RNPEPL1: variants seen among roughly 807,000 people sequenced by gnomAD.
The protein encoded by RNPEPL1 is aminopeptidase RNPEPL1.
A neutral mutation model predicts 69.0 loss-of-function variants in RNPEPL1; 46 were observed. That is an observed-to-expected ratio of 0.67 (90% CI 0.53 to 0.85). The LOEUF is 0.85. Among genes scored for constraint, RNPEPL1 ranks in the 40% least tolerant of loss-of-function variants. The probability of loss-of-function intolerance (pLI) is 0.00; values close to 1 mark genes in which losing one functional copy is unlikely to be tolerated. For missense variants in RNPEPL1, 869 were observed against 992.5 expected, an observed-to-expected ratio of 0.88 and a Z score of 1.67; for synonymous variants, 525 against 454.1, an observed-to-expected ratio of 1.16 and a Z score of -1.98.
At chr2:240,573,030 GCTGC>G in intron 2 of RNPEPL1, 76 bp from the exon 3 acceptor site, 1 of 1,442,324 alleles carries the variant, frequency 6.9e-7, no homozygotes, top group Non-Finnish European at 9.2e-7. Context: ...CGAATATGGG[GCTGC>G]CTGACAGGCT....
chr2:240,572,321 C>T (rs745825622), intron 1 of RNPEPL1, 102 bp from the exon 2 acceptor site: 4 of 1,345,170 alleles, frequency 3.0e-6, no homozygotes, highest in Non-Finnish European at 3.0e-6. Flanking sequence ...TGGCCATTGT[C>T]CCCTCCCAGA....
chr2:240,575,047 C>G lies in RNPEPL1; in HGVS notation c.1306C>G (p.Leu436Val), dbSNP rs2093033648. The change falls in exon 7 of 11, where the codon CTG becomes GTG. Residue 436 changes from leucine (L) to valine (V), a missense_variant. This residue lies in a region of RNPEPL1 where 610 missense variants were observed against 790.9 expected (regional missense o/e 0.77). Transcript: ENST00000270357. ...KLEPGVNPSH[L>V]MNLFTYEKGY... is the part of the protein sequence containing the mutation. ...CCTTGCAGGAGTGAATCCCAGCCACCTGATGAACCTGTTCACCTACGAGAA... is the reference window on the plus strand; with the variant it reads ...CCTTGCAGGAGTGAATCCCAGCCACGTGATGAACCTGTTCACCTACGAGAA... The G allele has an allele frequency of 6.2e-7, 1 of 1,613,622 alleles. No homozygotes were observed. Among genetic ancestry groups the G allele is most frequent in the African/African-American group, 1.3e-5 (1 of 74,958 alleles).
intron 3 of RNPEPL1, among the ~76,000 whole-genome samples, chr2:240,573,501 C>A (rs1185797822): frequency 6.6e-6 from 1 of 152,228 alleles, no homozygotes; most frequent in Non-Finnish European, 1.5e-5. Context: ...CCTGCCAAGG[C>A]CCCCGCACAG....
rs746764889 is a variant in RNPEPL1 at position 240,573,187 on chromosome 2, C to T, written c.747C>T (p.His249=). The T allele has an allele frequency of 3.1e-5, 49 of 1,600,608 alleles. No individual in the cohort carries two copies. In the Admixed American group the frequency reaches 4.5e-4, roughly 15 times the overall value. The change falls in exon 3 of 11, where the codon CAC becomes CAT. Residue 249 remains histidine (H), a synonymous_variant. Coordinates refer to ENST00000270357, the MANE Select transcript of RNPEPL1 (RefSeq NM_018226.6). The part of the protein sequence containing the change: ...YMEEEGVFHF[H]MEHPVPAYLV... ...AGGAAGAAGGCGTCTTCCACTTCCA[C>T]ATGGAGCACCCCGTGCCCGCCTACC...
chr2:240,569,307 A>C, intron 1 of RNPEPL1, 193 bp downstream of exon 1: 3 of 561,922 alleles, frequency 5.3e-6, no homozygotes, highest in Non-Finnish European at 8.5e-6. Flanking sequence ...CTGCGGGGAC[A>C]CGGGACAGCA....
In RNPEPL1 at chr2:240,573,905, A is replaced by G. The variant is rs563491725; in HGVS notation, c.938+14A>G. 2 of 1,572,768 alleles carry G rather than the reference A, an allele frequency of 1.3e-6. No homozygotes were observed. Among genetic ancestry groups the G allele is most frequent in the South Asian group, 2.3e-5 (2 of 86,250 alleles). Reference sequence around the variant, plus strand: ...CATGTGGGGCAGGTAGGCCCCGGGGACCTGTGGACCTGGCTGGCTGGAAGG... The same window carrying G: ...CATGTGGGGCAGGTAGGCCCCGGGGGCCTGTGGACCTGGCTGGCTGGAAGG... On this transcript the variant is annotated intron_variant, in intron 4 of 10. Coordinates refer to ENST00000270357, the MANE Select transcript of RNPEPL1 (RefSeq NM_018226.6).
chr2:240,579,068 T>G lies in RNPEPL1; in HGVS notation c.*1176T>G, dbSNP rs2093046430. On this transcript the variant is annotated 3_prime_UTR_variant, in exon 11 of 11. Coordinates refer to ENST00000270357, the MANE Select transcript of RNPEPL1 (RefSeq NM_018226.6). ...ATGTTTTGTTTTGGAGAACTGAGAT[T>G]TCCATTTTCCCAGGCGATAGGTGTC... 1 of 152,266 alleles carries G rather than the reference T, an allele frequency of 6.6e-6. No homozygotes were observed. Among genetic ancestry groups the G allele is most frequent in the South Asian group, 2.1e-4 (1 of 4,836 alleles). 9.4% of individuals were successfully genotyped at this position (152,266 alleles called of 1,614,324 possible).
At position 240,573,744 on chromosome 2, in the gene RNPEPL1, G is replaced by A. The variant is rs368423379; in HGVS notation, c.822-31G>A. On this transcript the variant is annotated intron_variant, in intron 3 of 10. Coordinates refer to ENST00000270357, the MANE Select transcript of RNPEPL1 (RefSeq NM_018226.6). ...GGGGTGAGCGGGGCTGGGGCTGCTC[G>A]GCCTCAGCTCACCCTCTCTGCATGC... 299 of 1,488,864 alleles carry A rather than the reference G, an allele frequency of 2.0e-4. 1 individual carries two copies. Among genetic ancestry groups the A allele is most frequent in the African/African-American group, 1.5e-3 (105 of 71,950 alleles). The allele number at this position is 1,488,864 out of a possible 1,614,324, so 92.2% of individuals were successfully genotyped here. A position where few individuals can be genotyped will look rare whatever the true frequency, so the allele number is the denominator to read the frequency against.
Position 240,572,567 on chromosome 2 carries a change from A to T in RNPEPL1, c.669+4A>T. On this transcript the variant is annotated splice_donor_region_variant and intron_variant, in intron 2 of 10. Transcript: ENST00000270357. ...CACCTACTCTGCCGTCGTCAAGGTC[A>T]GGGGCCGCCAGCTGCCGTCACCTTG... The T allele has an allele frequency of 6.5e-7, 1 of 1,536,024 alleles. No individual in the cohort carries two copies. The highest frequency in any genetic ancestry group is 1.4e-5 in the African/African-American group (1 of 73,172).
In RNPEPL1 at chr2:240,574,319, C is replaced by T; in HGVS notation, c.1145C>T (p.Ala382Val). The change falls in exon 5 of 11, where the codon GCC (alanine) becomes GTC (valine). Residue 382 changes from alanine (A) to valine (V), a missense_variant. Physicochemically the swap from Ala to Val is moderately conservative, Grantham distance 64. Coordinates refer to ENST00000270357, the MANE Select transcript of RNPEPL1 (RefSeq NM_018226.6). ...CTGAGCGAGGGCCTGGCCACCTATGCCCAGCGCCGTATCACCACCGAGACC... is the reference window on the plus strand; with the variant it reads ...CTGAGCGAGGGCCTGGCCACCTATGTCCAGCGCCGTATCACCACCGAGACC... ...MWLSEGLATY[A>V]QRRITTETYG... 6.2e-7 allele frequency: 1 copy of T among 1,600,054 alleles called. No individual in the cohort carries two copies. Among genetic ancestry groups the T allele is most frequent in the South Asian group, 1.1e-5 (1 of 90,906 alleles).
In RNPEPL1 at chr2:240,569,066, C is replaced by T. The variant is rs978535590; in HGVS notation, c.480C>T (p.His160=). 15 of 1,509,384 alleles carry T rather than the reference C, an allele frequency of 9.9e-6. No individual in the cohort carries two copies. The Admixed American group carries it at 1.4e-4, about 14-fold the overall frequency. The allele number at this position is 1,509,384 out of a possible 1,614,324, so 93.5% of individuals were successfully genotyped here. A position where few individuals can be genotyped will look rare whatever the true frequency, so the allele number is the denominator to read the frequency against. ...TVTLPPELQA[H]QPFQVILRYT... is the part of the protein sequence containing the mutation. ...CGCTGCCGCCCGAGCTGCAGGCGCA[C>T]CAGCCCTTCCAGGTCATCCTGCGGT... The change falls in exon 1 of 11, where the codon CAC becomes CAT. Residue 160 remains histidine (H), a synonymous_variant. Transcript: ENST00000270357.
chr2:240,581,194 G>C lies in RNPEPL1; in HGVS notation c.*3302G>C, dbSNP rs927101437. On this transcript the variant is annotated 3_prime_UTR_variant, in exon 11 of 11. Transcript: ENST00000270357. Reference sequence around the variant, plus strand: ...TGAGACAGAGGCAACAGAAAAATCAGAAAAGGACTTTAGAACACATATAAT... The same window carrying C: ...TGAGACAGAGGCAACAGAAAAATCACAAAAGGACTTTAGAACACATATAAT... 3 of 152,196 alleles carry C rather than the reference G, an allele frequency of 2.0e-5. No homozygotes were observed. Among genetic ancestry groups the C allele is most frequent in the Non-Finnish European group, 4.4e-5 (3 of 68,044 alleles). The allele number at this position is 152,196 out of a possible 1,614,324, so 9.4% of individuals were successfully genotyped here. A position where few individuals can be genotyped will look rare whatever the true frequency, so the allele number is the denominator to read the frequency against.
Position 240,568,579 on chromosome 2 carries a change from C to G in RNPEPL1, c.-8C>G. 1 of 980,198 alleles carries G rather than the reference C, an allele frequency of 1.0e-6. No homozygotes were observed. Among genetic ancestry groups the G allele is most frequent in the Middle Eastern group, 5.2e-4 (1 of 1,906 alleles). 60.7% of individuals were successfully genotyped at this position (980,198 alleles called of 1,614,324 possible). A position where few individuals can be genotyped will look rare whatever the true frequency, so the allele number is the denominator to read the frequency against. On this transcript the variant is annotated 5_prime_UTR_variant, in exon 1 of 11. Transcript: ENST00000270357. This position sits in a 1 kb window ranked among gnomAD's most constrained non-coding sequence, Gnocchi z 6.2. ...GCCGCCCATGGATTTCACCTAGTGC[C>G]GGCGGCCATGGCCGCGCAGTGCTGC...
Position 240,580,597 on chromosome 2 carries a change from C to T in RNPEPL1, c.*2705C>T, listed in dbSNP as rs1021681097. 1.3e-5 allele frequency: 2 copies of T among 152,212 alleles called. No individual in the cohort carries two copies. The highest frequency in any genetic ancestry group is 4.8e-5 in the African/African-American group (2 of 41,450). The allele number at this position is 152,212 out of a possible 1,614,324, so 9.4% of individuals were successfully genotyped here. On this transcript the variant is annotated 3_prime_UTR_variant, in exon 11 of 11. Transcript: ENST00000270357. ...CAGAGATCTCAAATGTTTCCAGGCA[C>T]CTTGCCAGGGATAAGAGAGCTGTTG...
At position 240,576,760 on chromosome 2, in the gene RNPEPL1, C is replaced by T. The variant is rs1036572381; in HGVS notation, c.1736C>T (p.Pro579Leu). The change falls in exon 9 of 11, where the codon CCG (proline) becomes CTG (leucine). Residue 579 changes from proline (P) to leucine (L), a missense_variant. Transcript: ENST00000270357. ...CGGCTCCTGGATGGGTCCCCGCTGCCGCAGGGTGAGTCCCTGCAGCTGATG... is the reference window on the plus strand; with the variant it reads ...CGGCTCCTGGATGGGTCCCCGCTGCTGCAGGGTGAGTCCCTGCAGCTGATG... ...LDRLLDGSPL[P>L]QEVVMSLSKC... 4.3e-6 allele frequency: 7 copies of T among 1,612,672 alleles called. No homozygotes were observed. The highest frequency in any genetic ancestry group is 1.1e-5 in the South Asian group (1 of 91,086).
chr2:240,572,298 C>A, intron 1 of RNPEPL1, 125 bp from the exon 2 acceptor site: 1 of 1,186,118 alleles, frequency 8.4e-7, no homozygotes, highest in Non-Finnish European at 1.2e-6. Context: ...CCCTCGAACC[C>A]AGCAAGATAA....
In RNPEPL1 at chr2:240,569,009, GT is replaced by G; in HGVS notation, c.425del (p.Phe142SerfsTer43). 1.3e-6 allele frequency: 2 copies of G among 1,507,612 alleles called. No homozygotes were observed. Among genetic ancestry groups the G allele is most frequent in the Non-Finnish European group, 1.8e-6 (2 of 1,135,760 alleles). 93.4% of individuals were successfully genotyped at this position (1,507,612 alleles called of 1,614,324 possible). A position where few individuals can be genotyped will look rare whatever the true frequency, so the allele number is the denominator to read the frequency against. On this transcript the variant is annotated frameshift_variant, in exon 1 of 11. Coordinates refer to ENST00000270357, the MANE Select transcript of RNPEPL1 (RefSeq NM_018226.6). LOFTEE classifies it high-confidence loss of function. Reference protein sequence around the residue: ...CCPLAFRVDPFTDYGSSLTVT... With the variant: ...CCPLAFRVDPXTDYGSSLTVT... ...GTCCGCTGGCCTTCAGGGTGGACCC[GT>G]TCACCGACTACGGCTCCTCGCTCAC...
intron 7 of RNPEPL1, 82 bp from the exon 8 acceptor site, chr2:240,575,420 C>T (rs1465746998): frequency 2.4e-6 from 3 of 1,226,476 alleles, no homozygotes; most frequent in Admixed American, 1.8e-5. Flanking sequence ...GGCGCACGCC[C>T]TGCAGTGCCC....
At chr2:240,575,269 C>G (rs1018473438) in intron 7 of RNPEPL1, 127 bp downstream of exon 7, 14 of 799,906 alleles carry the variant, frequency 1.8e-5, no homozygotes, top group Non-Finnish European at 2.3e-5. Context: ...CTGGCTGGGA[C>G]CTAGTCTGCC....
Sources: gnomAD v4.1 joint callset for allele counts (sites outside exome capture counted in the v4.1 genomes callset) on GRCh38, gnomAD v4.1.1 for gene constraint, gnomAD v4.1.1 regional missense constraint, Gnocchi (gnomAD v3.1) non-coding constraint, MANE v1.5 for transcripts, NCBI Gene and HGNC (gene_info 2026-07-23, HGNC 2026-07-21) for gene names.